The following DLC1 variants were observed in gnomAD, a reference collection of about 807,000 sequenced individuals.
DLC1 encodes DLC1 Rho GTPase activating protein.
A neutral mutation model predicts 140.3 loss-of-function variants in DLC1; 54 were observed. The observed-to-expected ratio is 0.38, with a 90% CI of 0.31 to 0.48. The LOEUF is 0.48. Among genes scored for constraint, DLC1 ranks in the 20% least tolerant of loss-of-function variants. DLC1 has a pLI of 0.96. For synonymous variants in DLC1, 986 were observed against 728.1 expected (o/e 1.35, Z -5.70); for missense variants, 2,536 against 1,907.0 (o/e 1.33, Z -6.14).
intron 5 of DLC1, among the ~76,000 whole-genome samples, chr8:13,174,147 A>G (rs1825638646): frequency 6.6e-6 from 1 of 152,132 alleles, no homozygotes; most frequent in African/African-American, 2.4e-5. Context: ...TTGGCTTAGG[A>G]TAATGGCCTC....
chr8:13,513,098 C>G (rs1802450903), intron 1 of DLC1, among the ~76,000 whole-genome samples: 1 of 151,288 alleles, frequency 6.6e-6, no homozygotes. Context: ...AAAAAGGTAT[C>G]TGAATTATGA....
intron 5 of DLC1, among the ~76,000 whole-genome samples, chr8:13,172,935 T>G (rs1037991839): frequency 7.2e-5 from 11 of 152,216 alleles, no homozygotes; most frequent in African/African-American, 2.7e-4. Flanking sequence ...CTTCTCTGAT[T>G]ACAGACCCTT....
intron 5 of DLC1, among the ~76,000 whole-genome samples, chr8:13,158,719 C>G (rs997306089): frequency 1.6e-5 from 1 of 62,896 alleles, no homozygotes; most frequent in Non-Finnish European, 3.2e-5. Context: ...AGTTAATGTT[C>G]ACAACCACCA....
rs140473490 is a variant in DLC1 at position 13,591,021 on chromosome 8, C to T, written c.-126+13516G>A. On this transcript the variant is annotated intron_variant, in intron 1 of 1. Transcript: ENST00000631382. ...ATAACATGGAGGTACTTTCAATTGA[C>T]ATTGAACATAAGGAATGAAGGAAAT... Among the ~76,000 whole-genome samples the T allele has an allele frequency of 5.6e-3, 853 of 151,974 alleles. 9 individuals are homozygous for T. The highest frequency in any genetic ancestry group is 0.019 in the African/African-American group (795 of 41,434).
At chr8:13,261,614 G>A (rs529503118) in intron 5 of DLC1, among the ~76,000 whole-genome samples, 27 of 152,284 alleles carry the variant, frequency 1.8e-4, no homozygotes, top group African/African-American at 4.8e-4. Context: ...CGAGGCAACC[G>A]TGTCTTGGCC....
At chr8:13,162,165 A>G (rs1824753806) in intron 5 of DLC1, among the ~76,000 whole-genome samples, 1 of 152,214 alleles carries the variant, frequency 6.6e-6, no homozygotes, top group Non-Finnish European at 1.5e-5. Context: ...GAACAGCTTG[A>G]CTACTTAAGA....
At chr8:13,224,333 G>C (rs1039663349) in intron 5 of DLC1, among the ~76,000 whole-genome samples, 7 of 152,204 alleles carry the variant, frequency 4.6e-5, no homozygotes, top group African/African-American at 4.8e-5. Flanking sequence ...TTGCTGAGGA[G>C]CAGATTTCAG....
At chr8:13,245,709 A>G (rs1341469338) in intron 5 of DLC1, among the ~76,000 whole-genome samples, 1 of 151,880 alleles carries the variant, frequency 6.6e-6, no homozygotes, top group Non-Finnish European at 1.5e-5. Context: ...TTCTTATTTT[A>G]TTTGTTTTTT....
chr8:13,506,164 TAC>T (rs142281720), intron 1 of DLC1, among the ~76,000 whole-genome samples: 3,953 of 152,158 alleles, frequency 0.026, 63 homozygotes, highest in Middle Eastern at 0.051. Flanking sequence ...TATGTGTGTA[TAC>T]ACACACATAT....
At chr8:13,413,039 C>A (rs1422545235) in intron 2 of DLC1, among the ~76,000 whole-genome samples, 1 of 151,738 alleles carries the variant, frequency 6.6e-6, no homozygotes, top group Non-Finnish European at 1.5e-5. Context: ...CCACTCAGCA[C>A]TTTAGTCTGG....
chr8:13,207,046 T>A (rs889166611), intron 5 of DLC1, among the ~76,000 whole-genome samples: 2 of 152,192 alleles, frequency 1.3e-5, no homozygotes, highest in African/African-American at 4.8e-5. Context: ...GTGTTATGTA[T>A]AAATCATTCT....
chr8:13,520,042 A>G lies in DLC1; in HGVS notation c.-125-19846T>C, dbSNP rs904063755. On this transcript the variant is annotated intron_variant, in intron 1 of 1. Transcript: ENST00000631382. Reference sequence around the variant, plus strand: ...CGTTGGTGGGAGTGTGAATTAGTTCAATCATTATGTAAGACAGTGTGGCGA... The same window carrying G: ...CGTTGGTGGGAGTGTGAATTAGTTCGATCATTATGTAAGACAGTGTGGCGA... Among the ~76,000 whole-genome samples, 27 of 152,358 alleles carry G rather than the reference A, an allele frequency of 1.8e-4. 1 individual carries two copies. The highest frequency in any genetic ancestry group is 8.8e-5 in the Non-Finnish European group (6 of 68,036).
At position 13,100,171 on chromosome 8, in the gene DLC1, G is replaced by C. The variant is rs1563594604; in HGVS notation, c.2166C>G (p.Asn722Lys). Reference sequence around the variant, plus strand: ...TTCGTACCATGGGGACGTTGATGCGGTTGCCATTGAGGGCGGAGATCTCCA... The same window carrying C: ...TTCGTACCATGGGGACGTTGATGCGCTTGCCATTGAGGGCGGAGATCTCCA... The part of the protein sequence containing the change: ...NCVEISALNG[N>K]RINVPMVRKR... The change falls in exon 9 of 18, where the codon AAC (asparagine) becomes AAG (lysine). Residue 722 changes from asparagine (N) to lysine (K), a missense_variant. Coordinates refer to ENST00000276297, the MANE Select transcript of DLC1 (RefSeq NM_182643.3). 1 of 1,613,322 alleles carries C rather than the reference G, an allele frequency of 6.2e-7. No homozygotes were observed.
intron 1 of DLC1, among the ~76,000 whole-genome samples, chr8:13,548,501 T>G (rs1371686488): frequency 6.6e-6 from 1 of 151,996 alleles, no homozygotes; most frequent in East Asian, 1.9e-4. Flanking sequence ...AATAATAATT[T>G]TTAAATAAAT....
chr8:13,213,198 G>T (rs1235665738), intron 5 of DLC1, among the ~76,000 whole-genome samples: 1 of 152,154 alleles, frequency 6.6e-6, no homozygotes. Context: ...ATTTTCTTCA[G>T]ACATTTTTGG....
At chr8:13,470,136 A>G (rs1800140802) in intron 2 of DLC1, among the ~76,000 whole-genome samples, 2 of 152,202 alleles carry the variant, frequency 1.3e-5, no homozygotes, top group South Asian at 4.1e-4. Context: ...ACTTTTGAAT[A>G]AAATAATCCT....
chr8:13,387,910 A>G (rs1192319342), intron 4 of DLC1, among the ~76,000 whole-genome samples: 1 of 152,086 alleles, frequency 6.6e-6, no homozygotes, highest in South Asian at 2.1e-4. Flanking sequence ...TGAAAACTCA[A>G]ATGTAGCATT....
chr8:13,133,214 C>T, intron 5 of DLC1: 2 of 1,419,086 alleles, frequency 1.4e-6, no homozygotes, highest in Non-Finnish European at 9.2e-7. Context: ...CGTGAGCCGG[C>T]GCTCCTGATG....
intron 2 of DLC1, among the ~76,000 whole-genome samples, chr8:13,417,168 G>C (rs1000333659): frequency 2.0e-5 from 3 of 151,994 alleles, no homozygotes; most frequent in Non-Finnish European, 4.4e-5. Flanking sequence ...AGAAAAATGA[G>C]GGAACAAACT....
Sources: gnomAD v4.1 joint callset for allele counts (sites outside exome capture counted in the v4.1 genomes callset) on GRCh38, gnomAD v4.1.1 for gene constraint, MANE v1.5 for transcripts, NCBI Gene and HGNC (gene_info 2026-07-23, HGNC 2026-07-21) for gene names.